Variants in SRGAP1 observed in about 807,000 individuals in gnomAD.
The protein encoded by SRGAP1 is SLIT-ROBO Rho GTPase-activating protein 1.
Under a neutral mutation model 121.9 loss-of-function variants are expected in SRGAP1, and 43 were observed. That is an observed-to-expected ratio of 0.35 (90% CI 0.28 to 0.46). The LOEUF is 0.46. Ranked by LOEUF, SRGAP1 falls within the 20% of genes least tolerant of loss-of-function variation. SRGAP1 has a pLI of 1.00. For missense variants in SRGAP1, 1,102 were observed against 1,350.9 expected, an observed-to-expected ratio of 0.82 and a Z score of 2.89; for synonymous variants, 447 against 485.4, an observed-to-expected ratio of 0.92 and a Z score of 1.04.
chr12:64,137,633 G>A (rs2036876284), intron 21 of SRGAP1, among the ~76,000 whole-genome samples: 1 of 152,046 alleles, frequency 6.6e-6, no homozygotes, highest in Admixed American at 6.5e-5. Context: ...ATTCATTATT[G>A]GAGACAGTGA....
chr12:64,015,279 A>G (rs2034372900), intron 3 of SRGAP1, among the ~76,000 whole-genome samples: 1 of 152,212 alleles, frequency 6.6e-6, no homozygotes, highest in South Asian at 2.1e-4. Context: ...TTTGTAGTAT[A>G]ATATATACCC....
chr12:64,014,199 C>T (rs1447170106), intron 3 of SRGAP1, among the ~76,000 whole-genome samples: 1 of 152,202 alleles, frequency 6.6e-6, no homozygotes, highest in Non-Finnish European at 1.5e-5. Context: ...GTCACTGAGA[C>T]TTCACCTTAG....
chr12:63,847,036 ATG>A (rs1898925841), intron 1 of SRGAP1, among the ~76,000 whole-genome samples: 1 of 148,944 alleles, frequency 6.7e-6, no homozygotes, highest in Admixed American at 6.7e-5. Context: ...ATTTACAGGT[ATG>A]TGTTTTGGGA....
At chr12:63,924,759 T>C (rs1269120559) in intron 1 of SRGAP1, among the ~76,000 whole-genome samples, 3 of 152,174 alleles carry the variant, frequency 2.0e-5, no homozygotes, top group African/African-American at 4.8e-5. Context: ...TTGGTTACTT[T>C]GTGGCTTGCT....
intron 4 of SRGAP1, among the ~76,000 whole-genome samples, chr12:64,020,479 G>A (rs2034515835): frequency 6.6e-6 from 1 of 152,018 alleles, no homozygotes; most frequent in Non-Finnish European, 1.5e-5. Flanking sequence ...AAAGAAAAAG[G>A]CCTCAAATGG....
chr12:64,112,240 T>G (rs2036441755), intron 17 of SRGAP1, among the ~76,000 whole-genome samples: 1 of 152,230 alleles, frequency 6.6e-6, no homozygotes, highest in South Asian at 2.1e-4. Flanking sequence ...AAAAGGGTTT[T>G]GATGTTATGT....
intron 1 of SRGAP1, among the ~76,000 whole-genome samples, chr12:63,884,911 G>A (rs897638628): frequency 2.0e-5 from 3 of 151,814 alleles, no homozygotes; most frequent in Admixed American, 1.3e-4. Context: ...TAGTAGAGAC[G>A]GGGTTTCACC....
At chr12:64,025,139 TA>T (rs1256235001) in intron 4 of SRGAP1, among the ~76,000 whole-genome samples, 1 of 135,214 alleles carries the variant, frequency 7.4e-6, no homozygotes, top group Non-Finnish European at 1.6e-5. Context: ...CTTGTCTCTT[TA>T]AAACGTTTAA....
intron 4 of SRGAP1, among the ~76,000 whole-genome samples, chr12:64,040,644 A>G (rs2034997233): frequency 6.6e-6 from 1 of 152,188 alleles, no homozygotes; most frequent in South Asian, 2.1e-4. Context: ...TTTTCAGATA[A>G]AATCTGTGAC....
At chr12:64,022,726 G>A (rs1036325545) in intron 4 of SRGAP1, among the ~76,000 whole-genome samples, 1 of 152,152 alleles carries the variant, frequency 6.6e-6, no homozygotes, top group Non-Finnish European at 1.5e-5. Flanking sequence ...CTGTAAAATG[G>A]AGATCAAAAT....
chr12:64,114,404 A>G lies in SRGAP1; in HGVS notation c.2145-1410A>G, dbSNP rs77534244. On this transcript the variant is annotated intron_variant, in intron 17 of 21. Coordinates refer to ENST00000355086, the MANE Select transcript of SRGAP1 (RefSeq NM_020762.4). Reference sequence around the variant, plus strand: ...TGCCAGGCTAGAGCGCCATGGCGCAATCTTGACTCACTGTATTCCCACTGC... The same window carrying G: ...TGCCAGGCTAGAGCGCCATGGCGCAGTCTTGACTCACTGTATTCCCACTGC... Among the ~76,000 whole-genome samples, 472 of 144,830 alleles carry G rather than the reference A, an allele frequency of 3.3e-3. 1 individual carries two copies. Among genetic ancestry groups the G allele is most frequent in the Non-Finnish European group, 5.0e-3 (339 of 67,420 alleles).
chr12:63,920,605 GGAT>G (rs1445300009), intron 1 of SRGAP1, among the ~76,000 whole-genome samples: 1 of 152,152 alleles, frequency 6.6e-6, no homozygotes, highest in African/African-American at 2.4e-5. Context: ...GGATTATAGG[GGAT>G]GATGAGAATG....
chr12:64,089,856 C>T (rs568350799), intron 11 of SRGAP1, among the ~76,000 whole-genome samples: 1 of 152,270 alleles, frequency 6.6e-6, no homozygotes, highest in African/African-American at 2.4e-5. Context: ...AAGGCTGTAC[C>T]AGTAGGTTTG....
intron 8 of SRGAP1, among the ~76,000 whole-genome samples, chr12:64,071,645 G>A (rs1033362086): frequency 1.3e-5 from 2 of 152,114 alleles, no homozygotes; most frequent in Non-Finnish European, 2.9e-5. Context: ...GGGGTGGGCC[G>A]CAGGAAAACA....
At chr12:64,010,420 G>A (rs1421455755) in intron 3 of SRGAP1, among the ~76,000 whole-genome samples, 1 of 152,036 alleles carries the variant, frequency 6.6e-6, no homozygotes, top group Non-Finnish European at 1.5e-5. Context: ...GACTGGATAG[G>A]GTAAGGAATA....
In SRGAP1 at chr12:63,921,887, G is replaced by A. The variant is rs188685328; in HGVS notation, c.68-62060G>A. 2.2e-4 allele frequency among the ~76,000 whole-genome samples: 33 copies of A among 152,182 alleles called. No homozygotes were observed. In the East Asian group the frequency reaches 6.0e-3, roughly 28 times the overall value. On this transcript the variant is annotated intron_variant, in intron 1 of 21. Transcript: ENST00000355086. ...ATAAACTCTTCAAAAAAAACTTGCT[G>A]GAAAGAGTCTTAGTTCCATTTTATA...
chr12:64,067,478 A>T (rs1318907915), intron 8 of SRGAP1, among the ~76,000 whole-genome samples: 4 of 152,198 alleles, frequency 2.6e-5, no homozygotes, highest in Admixed American at 2.0e-4. Context: ...CTTAAAAAGT[A>T]ATTTTTAAAC....
chr12:64,061,775 T>C (rs1395459739), intron 6 of SRGAP1, among the ~76,000 whole-genome samples: 1 of 152,222 alleles, frequency 6.6e-6, no homozygotes, highest in African/African-American at 2.4e-5. Flanking sequence ...ACATTTCGTG[T>C]CAATAAAATC....
chr12:63,875,106 G>T (rs1899988113), intron 1 of SRGAP1, among the ~76,000 whole-genome samples: 1 of 152,144 alleles, frequency 6.6e-6, no homozygotes. Context: ...TAGAGATGGG[G>T]TCTCACTGCC....
Sources: gnomAD v4.1 joint callset for allele counts (sites outside exome capture counted in the v4.1 genomes callset) on GRCh38, gnomAD v4.1.1 for gene constraint, MANE v1.5 for transcripts, NCBI Gene and HGNC (gene_info 2026-07-23, HGNC 2026-07-21) for gene names.